The following KAT14 variants were observed in gnomAD, a reference collection of about 807,000 sequenced individuals.
KAT14 encodes lysine acetyltransferase 14.
Under a neutral mutation model 78.4 loss-of-function variants are expected in KAT14, and 66 were observed. The observed-to-expected ratio is 0.84, with a 90% CI of 0.69 to 1.03. The LOEUF is 1.03. Ranked by LOEUF, KAT14 falls within the 50% of genes least tolerant of loss-of-function variation. KAT14 has a pLI of 0.00. For synonymous variants in KAT14, 344 were observed against 359.4 expected (o/e 0.96, Z 0.48); for missense variants, 870 against 972.5 (o/e 0.89, Z 1.40).
Position 18,150,711 on chromosome 20 carries a change from G to T in KAT14, c.379-110G>T, listed in dbSNP as rs1008676949. 5.2e-6 allele frequency: 8 copies of T among 1,533,514 alleles called. No homozygotes were observed. The East Asian group carries it at 6.8e-5, about 13-fold the overall frequency. 95.0% of individuals were successfully genotyped at this position (1,533,514 alleles called of 1,614,324 possible). A position where few individuals can be genotyped will look rare whatever the true frequency, so the allele number is the denominator to read the frequency against. ...ATACCGTCCGTCCTTTGTTCGCTCT[G>T]TTCCCCACCATTCCTACTCAGAATA... is the stretch of plus-strand genomic sequence containing the variant. On this transcript the variant is annotated intron_variant, in intron 3 of 10. Transcript: ENST00000688188.
In KAT14 at chr20:18,183,275, T is replaced by C. The variant is rs755568945; in HGVS notation, c.1958T>C (p.Met653Thr). ...AATCACATCCCAACGATCAACTCCA[T>C]GTGTCAGGAGTTTTTTTGGCCTGGT... is the stretch of plus-strand genomic sequence containing the variant. ...RPNHIPTINSMCQEFFWPGID... is the reference protein window; with the variant it reads ...RPNHIPTINSTCQEFFWPGID... The change falls in exon 9 of 11, where the codon ATG becomes ACG. Residue 653 changes from methionine to threonine, a missense_variant. Transcript: ENST00000688188. The C allele has an allele frequency of 1.9e-6, 3 of 1,613,836 alleles. No homozygotes were observed. Among genetic ancestry groups the C allele is most frequent in the Admixed American group, 1.7e-5 (1 of 59,982 alleles).
At chr20:18,152,762 A>G (rs778616840) in intron 4 of KAT14, among the ~76,000 whole-genome samples, 1 of 152,026 alleles carries the variant, frequency 6.6e-6, no homozygotes, top group Non-Finnish European at 1.5e-5. Context: ...ATTTTTAACT[A>G]TTTTTCATAG....
intron 7 of KAT14, among the ~76,000 whole-genome samples, chr20:18,177,408 A>G (rs1011587522): frequency 6.6e-6 from 1 of 152,228 alleles, no homozygotes. Context: ...CTGATTGGTC[A>G]GAGCTATTCA....
At position 18,181,761 on chromosome 20, in the gene KAT14, T is replaced by A. The variant is rs139667492; in HGVS notation, c.1720T>A (p.Tyr574Asn). ...GFRHQTTKFL[Y>N]RLVGSEDMAV... ...TCGACACCAGACCACCAAGTTTTTG[T>A]ATCGCTTGGTAGGATCAGAAGATAT... The change falls in exon 8 of 11, where the codon TAT becomes AAT. Residue 574 changes from tyrosine (Y) to asparagine (N), a missense_variant. Coordinates refer to ENST00000688188, the MANE Select transcript of KAT14 (RefSeq NM_001392073.1). 2.6e-3 allele frequency: 4,238 copies of A among 1,614,234 alleles called. 11 individuals are homozygous for A. Among genetic ancestry groups the A allele is most frequent in the Non-Finnish European group, 3.1e-3 (3,660 of 1,180,034 alleles).
At chr20:18,179,317 CTG>C (rs1409062289) in intron 7 of KAT14, among the ~76,000 whole-genome samples, 1 of 152,206 alleles carries the variant, frequency 6.6e-6, no homozygotes, top group Non-Finnish European at 1.5e-5. Flanking sequence ...AGTAGGGACT[CTG>C]TGTGGGGGCT....
chr20:18,140,896 C>T (rs2037523384), intron 1 of KAT14, among the ~76,000 whole-genome samples: 1 of 149,596 alleles, frequency 6.7e-6, no homozygotes, highest in African/African-American at 2.5e-5. Context: ...CTTGTTCTGT[C>T]ACCCAGGTGG....
chr20:18,161,339 C>T (rs1349320418), intron 5 of KAT14, among the ~76,000 whole-genome samples: 2 of 152,094 alleles, frequency 1.3e-5, no homozygotes, highest in African/African-American at 2.4e-5. Flanking sequence ...AAGAGGCGTG[C>T]ACCACCACGC....
intron 4 of KAT14, among the ~76,000 whole-genome samples, chr20:18,157,551 C>T (rs2146407561): frequency 6.6e-6 from 1 of 152,168 alleles, no homozygotes; most frequent in East Asian, 1.9e-4. Flanking sequence ...TCACAGATGG[C>T]CAGAACTCTT....
intron 7 of KAT14, among the ~76,000 whole-genome samples, chr20:18,165,950 C>T (rs2038623182): frequency 6.6e-6 from 1 of 152,136 alleles, no homozygotes; most frequent in Non-Finnish European, 1.5e-5. Context: ...ATGGTGAAGA[C>T]AAGCTGAGCG....
chr20:18,183,310 C>T lies in KAT14; in HGVS notation c.1981+12C>T, dbSNP rs771198650. On this transcript the variant is annotated intron_variant, in intron 9 of 10. Coordinates refer to ENST00000688188, the MANE Select transcript of KAT14 (RefSeq NM_001392073.1). ...GTTTTTTTGGCCTGGTATGTTCCCC[C>T]TCCCAAACCAGGCAGGTCATTTTTC... 2 of 1,608,436 alleles carry T rather than the reference C, an allele frequency of 1.2e-6. No individual in the cohort carries two copies. The highest frequency in any genetic ancestry group is 1.1e-5 in the South Asian group (1 of 90,580).
chr20:18,166,633 G>T (rs2038651285), intron 7 of KAT14, among the ~76,000 whole-genome samples: 1 of 152,304 alleles, frequency 6.6e-6, no homozygotes, highest in Middle Eastern at 3.4e-3. Context: ...GGTCACACTT[G>T]TTCACCCTTT....
At chr20:18,166,059 A>G (rs1205200) in intron 7 of KAT14, among the ~76,000 whole-genome samples, 34,553 of 152,092 alleles carry the variant, frequency 0.23, 4,274 homozygotes, top group East Asian at 0.51. Context: ...GAAATACCAA[A>G]ATTGTTAGAA....
At position 18,183,208 on chromosome 20, in the gene KAT14, C is replaced by T; in HGVS notation, c.1891C>T (p.Pro631Ser). 6.2e-7 allele frequency: 1 copy of T among 1,614,112 alleles called. No homozygotes were observed. ...GCACAGGAGCGACCCTCACTGGACGCCGGAGCCCGACGCACCTCTCGATTA... is the reference window on the plus strand; with the variant it reads ...GCACAGGAGCGACCCTCACTGGACGTCGGAGCCCGACGCACCTCTCGATTA... The part of the protein sequence containing the change: ...HLHRSDPHWT[P>S]EPDAPLDYCY... The change falls in exon 9 of 11, where the codon CCG becomes TCG. Residue 631 changes from proline (P) to serine (S), a missense_variant. Transcript: ENST00000688188.
intron 4 of KAT14, among the ~76,000 whole-genome samples, chr20:18,153,332 A>G (rs2038114650): frequency 6.6e-6 from 1 of 152,196 alleles, no homozygotes; most frequent in South Asian, 2.1e-4. Flanking sequence ...TATTGGTGCT[A>G]AGAAAAGAAT....
Position 18,145,225 on chromosome 20 carries a change from T to C in KAT14, c.260-8T>C, listed in dbSNP as rs2037782066. 8 of 1,613,326 alleles carry C rather than the reference T, an allele frequency of 5.0e-6. No individual in the cohort carries two copies. The highest frequency in any genetic ancestry group is 6.8e-6 in the Non-Finnish European group (8 of 1,179,858). ...AACCCATGATGTGACTTTTTGTTTT[T>C]CTCCTAGGTCAGCTGAGGGAACAGC... On this transcript the variant is annotated splice_polypyrimidine_tract_variant and splice_region_variant and intron_variant, in intron 2 of 10. Coordinates refer to ENST00000688188, the MANE Select transcript of KAT14 (RefSeq NM_001392073.1).
chr20:18,158,244 T>C (rs1431007375), intron 4 of KAT14, among the ~76,000 whole-genome samples: 1 of 152,228 alleles, frequency 6.6e-6, no homozygotes, highest in East Asian at 1.9e-4. Flanking sequence ...CCTCAGATAG[T>C]GCTTATGCCT....
intron 4 of KAT14, among the ~76,000 whole-genome samples, chr20:18,157,079 G>A (rs1442020309): frequency 6.6e-6 from 1 of 152,170 alleles, no homozygotes; most frequent in East Asian, 1.9e-4. Flanking sequence ...CAATTTTGCT[G>A]TACATTATGA....
At chr20:18,139,834 A>G (rs1393581275) in intron 1 of KAT14, among the ~76,000 whole-genome samples, 1 of 152,214 alleles carries the variant, frequency 6.6e-6, no homozygotes, top group Non-Finnish European at 1.5e-5. Context: ...ACCGTCTACC[A>G]CATACCAGGC....
chr20:18,167,693 A>G (rs1362021481), intron 7 of KAT14, among the ~76,000 whole-genome samples: 1 of 152,116 alleles, frequency 6.6e-6, no homozygotes, highest in Non-Finnish European at 1.5e-5. Context: ...TTTCAGATAT[A>G]TGAGAATTTT....
Sources: gnomAD v4.1 joint callset for allele counts (sites outside exome capture counted in the v4.1 genomes callset) on GRCh38, gnomAD v4.1.1 for gene constraint, MANE v1.5 for transcripts, NCBI Gene and HGNC (gene_info 2026-07-23, HGNC 2026-07-21) for gene names.